ARK2N: variants seen among roughly 807,000 people sequenced by gnomAD.
The protein encoded by ARK2N is protein ARK2N.
the ARK2N span, among the ~76,000 whole-genome samples, chr18:46,226,837 C>T: frequency 1.4e-4 from 19 of 133,516 alleles, no homozygotes; most frequent in East Asian, 8.6e-4. Flanking sequence ...GATGGAGTTT[C>T]GCTCTTGTTG....
chr18:46,217,315 A>C, the ARK2N span: 1 of 152,360 alleles, frequency 6.6e-6, no homozygotes, highest in Non-Finnish European at 1.5e-5. Context: ...ACTGTGTACT[A>C]TAATACAAAG....
chr18:46,203,511 A>G, the ARK2N span, among the ~76,000 whole-genome samples: 1 of 152,194 alleles, frequency 6.6e-6, no homozygotes, highest in South Asian at 2.1e-4. Context: ...GTATATGGTC[A>G]TTACGTGGAT....
the ARK2N span, chr18:46,263,968 T>C: frequency 1.3e-5 from 2 of 152,396 alleles, no homozygotes; most frequent in South Asian, 4.1e-4. Flanking sequence ...TTGGGAAGAA[T>C]ATGAAAAGTT....
At chr18:46,216,617 G>A in the ARK2N span, 1 of 1,576,708 alleles carries the variant, frequency 6.3e-7, no homozygotes, top group Non-Finnish European at 8.6e-7. The surrounding 1 kb of genome is among the most constrained non-coding windows in gnomAD (Gnocchi z 4.3). Flanking sequence ...TTTTTAAACT[G>A]ACTGTAAAGT....
chr18:46,256,401 T>C, the ARK2N span, among the ~76,000 whole-genome samples: 1 of 130,256 alleles, frequency 7.7e-6, no homozygotes, highest in Non-Finnish European at 1.6e-5. Flanking sequence ...CATCATTAAA[T>C]GTTTATCTTC....
the ARK2N span, among the ~76,000 whole-genome samples, chr18:46,200,787 T>G: frequency 3.3e-5 from 5 of 152,206 alleles, no homozygotes; most frequent in Non-Finnish European, 5.9e-5. Context: ...TACATCATTT[T>G]TTTTTTGAGA....
At chr18:46,202,310 G>A in the ARK2N span, among the ~76,000 whole-genome samples, 2 of 152,140 alleles carry the variant, frequency 1.3e-5, no homozygotes, top group African/African-American at 4.8e-5. Flanking sequence ...CCCTTTTTGG[G>A]TAGCATGCAC....
chr18:46,216,706 G>A, the ARK2N span: 3 of 990,826 alleles, frequency 3.0e-6, no homozygotes, highest in East Asian at 2.6e-5. This position sits in a 1 kb window ranked among gnomAD's most constrained non-coding sequence, Gnocchi z 4.3. Flanking sequence ...GCAGCTCTGT[G>A]TAAATTTGAA....
chr18:46,254,090 T>G, the ARK2N span, among the ~76,000 whole-genome samples: 1 of 152,226 alleles, frequency 6.6e-6, no homozygotes, highest in Non-Finnish European at 1.5e-5. Flanking sequence ...AAGCAAATGT[T>G]TAGTTAGCTT....
the ARK2N span, among the ~76,000 whole-genome samples, chr18:46,233,180 A>G: frequency 1.3e-5 from 2 of 152,160 alleles, no homozygotes; most frequent in African/African-American, 2.4e-5. Flanking sequence ...TATATGTCCT[A>G]CTAAACTGTC....
At chr18:46,258,856 G>A in the ARK2N span, among the ~76,000 whole-genome samples, 1 of 151,882 alleles carries the variant, frequency 6.6e-6, no homozygotes, top group Non-Finnish European at 1.5e-5. Context: ...TCCATTATAG[G>A]ACCACTCCAG....
At chr18:46,214,446 G>A in the ARK2N span, among the ~76,000 whole-genome samples, 2 of 152,292 alleles carry the variant, frequency 1.3e-5, no homozygotes, top group South Asian at 2.1e-4. Flanking sequence ...TGGAAACTGC[G>A]ACTTTAAATG....
the ARK2N span, among the ~76,000 whole-genome samples, chr18:46,178,906 C>A: frequency 1.3e-3 from 190 of 144,638 alleles, 1 homozygote; most frequent in South Asian, 9.4e-3. Flanking sequence ...AAAAAAAAAA[C>A]AACAAAAATA....
At chr18:46,207,987 A>T in the ARK2N span, among the ~76,000 whole-genome samples, 1 of 152,028 alleles carries the variant, frequency 6.6e-6, no homozygotes, top group Non-Finnish European at 1.5e-5. Context: ...GCTTCGTTCT[A>T]CTTGTTGGGC....
chr18:46,187,154 C>G, the ARK2N span, among the ~76,000 whole-genome samples: 1 of 150,156 alleles, frequency 6.7e-6, no homozygotes, highest in South Asian at 2.1e-4. Flanking sequence ...TTGCCCAGCC[C>G]TTACTACTAC....
At chr18:46,215,927 C>T in the ARK2N span, 1 of 1,614,062 alleles carries the variant, frequency 6.2e-7, no homozygotes, top group Non-Finnish European at 8.5e-7. Flanking sequence ...CTCATTGAGT[C>T]CGAAGCCCCA....
the ARK2N span, among the ~76,000 whole-genome samples, chr18:46,260,669 A>G: frequency 1.2e-4 from 19 of 152,274 alleles, 1 homozygote; most frequent in Non-Finnish European, 2.2e-4. Flanking sequence ...TTCTTTTCCT[A>G]TGCCAGACAC....
chr18:46,240,430 G>A, the ARK2N span, among the ~76,000 whole-genome samples: 9 of 152,312 alleles, frequency 5.9e-5, no homozygotes, highest in South Asian at 8.3e-4. Context: ...GTAGGTATTG[G>A]TAGGTTTCAG....
At chr18:46,234,595 A>G in the ARK2N span, among the ~76,000 whole-genome samples, 1 of 151,704 alleles carries the variant, frequency 6.6e-6, no homozygotes, top group Non-Finnish European at 1.5e-5. Context: ...ATTAAAATGC[A>G]AATTTCCTTC....
Sources: gnomAD v4.1 joint callset for allele counts (sites outside exome capture counted in the v4.1 genomes callset) on GRCh38, gnomAD v4.1.1 for gene constraint, Gnocchi (gnomAD v3.1) non-coding constraint, MANE v1.5 for transcripts, NCBI Gene and HGNC (gene_info 2026-07-23, HGNC 2026-07-21) for gene names.